The following KCNAB2 variants were observed in gnomAD, a reference collection of about 807,000 sequenced individuals.
The protein encoded by KCNAB2 is voltage-gated potassium channel subunit beta-2.
A neutral mutation model predicts 63.6 loss-of-function variants in KCNAB2; 29 were observed. The ratio of observed to expected loss-of-function variants is 0.46; its 90% CI spans 0.34 to 0.62. The LOEUF is 0.62. Ranked by LOEUF, KCNAB2 falls within the 20% of genes least tolerant of loss-of-function variation. The probability of loss-of-function intolerance (pLI) is 0.01; values close to 1 mark genes in which losing one functional copy is unlikely to be tolerated. For synonymous variants in KCNAB2, 222 were observed against 224.2 expected, an observed-to-expected ratio of 0.99 and a Z score of 0.09; for missense variants, 359 against 563.9, an observed-to-expected ratio of 0.64 and a Z score of 3.68.
intron 2 of KCNAB2, among the ~76,000 whole-genome samples, chr1:6,066,908 G>A (rs1006537427): frequency 1.3e-5 from 2 of 152,338 alleles, no homozygotes; most frequent in Admixed American, 6.5e-5. Context: ...CCCTCCACCC[G>A]GGCTCAGCCC....
chr1:6,010,421 C>G (rs1658083908), intron 1 of KCNAB2, among the ~76,000 whole-genome samples: 1 of 152,118 alleles, frequency 6.6e-6, no homozygotes, highest in African/African-American at 2.4e-5. Context: ...ATAGCAAGAC[C>G]TCCGGCCCTT....
intron 1 of KCNAB2, among the ~76,000 whole-genome samples, chr1:6,023,019 A>T (rs1228804516): frequency 6.7e-6 from 1 of 150,346 alleles, no homozygotes; most frequent in East Asian, 2.0e-4. Context: ...AGCAGCTGGG[A>T]TTACAGGTGC....
At position 6,095,686 on chromosome 1, in the gene KCNAB2, C is replaced by T. The variant is rs1439569944; in HGVS notation, c.948+62C>T. The T allele has an allele frequency of 1.5e-5, 23 of 1,493,528 alleles. No individual in the cohort carries two copies. In the South Asian group the frequency reaches 2.1e-4, roughly 14 times the overall value. The allele number at this position is 1,493,528 out of a possible 1,614,324, so 92.5% of individuals were successfully genotyped here. ...GATAGGCATTTTGGACGGGTGGGAC[C>T]TTTGGGCCGACTGCTTTGGTGCTGG... On this transcript the variant is annotated intron_variant, in intron 13 of 15. Transcript: ENST00000378083.
rs75053681 is a variant in KCNAB2 at position 5,998,368 on chromosome 1, G to C, written c.-53+5580G>C. 2.7e-4 allele frequency among the ~76,000 whole-genome samples: 41 copies of C among 152,348 alleles called. No individual in the cohort carries two copies. The East Asian group carries it at 7.7e-3, about 29-fold the overall frequency. On this transcript the variant is annotated intron_variant, in intron 1 of 16. Coordinates refer to the KCNAB2 transcript ENST00000341524. ...GGCAGAGCCAGAATCGGGGCCTCTG[G>C]ATGGGGAGGACTGGGCTCGGTTGAC...
chr1:6,059,633 A>G (rs1048028212), intron 2 of KCNAB2, among the ~76,000 whole-genome samples: 1 of 133,478 alleles, frequency 7.5e-6, no homozygotes, highest in Non-Finnish European at 1.6e-5. Flanking sequence ...TTACGTCTCA[A>G]AGGGTGCTTC....
Position 6,028,268 on chromosome 1 carries a change from A to G in KCNAB2, c.-52-12249A>G, listed in dbSNP as rs1397567274. ...TGTTGTGTAAGTGCCCTTCTGTGTC[A>G]TGCGGTTTTGAGCAGTTATACCTCT... On this transcript the variant is annotated intron_variant, in intron 1 of 16. Coordinates refer to the KCNAB2 transcript ENST00000341524. The surrounding 1 kb of genome is among the most constrained non-coding windows in gnomAD (Gnocchi z 4.0). 6.6e-6 allele frequency among the ~76,000 whole-genome samples: 1 copy of G among 152,162 alleles called. No individual in the cohort carries two copies. The highest frequency in any genetic ancestry group is 1.5e-5 in the Non-Finnish European group (1 of 68,034).
In KCNAB2 at chr1:6,072,737, G is replaced by C; in HGVS notation, c.219-18G>C. 1.9e-6 allele frequency: 3 copies of C among 1,613,748 alleles called. No homozygotes were observed. Among genetic ancestry groups the C allele is most frequent in the African/African-American group, 2.7e-5 (2 of 75,014 alleles). On this transcript the variant is annotated intron_variant, in intron 2 of 15. Coordinates refer to ENST00000378083, the MANE Select transcript of KCNAB2 (RefSeq NM_001199862.2). The stretch of plus-strand genomic sequence containing the variant: ...TCCTGCCTGGGTGCTGAGAACTCAC[G>C]TGGCGTTTGTTTTTCAGGAACCTGG...
At chr1:6,081,644 G>A (rs543811077) in intron 4 of KCNAB2, among the ~76,000 whole-genome samples, 4 of 149,628 alleles carry the variant, frequency 2.7e-5, no homozygotes, top group African/African-American at 1.0e-4. Context: ...TTCAGCTCCT[G>A]GGGGTTGCCA....
chr1:6,098,450 G>A, intron 15 of KCNAB2, 35 bp from the exon 16 acceptor site: 1 of 1,612,484 alleles, frequency 6.2e-7, no homozygotes, highest in African/African-American at 1.3e-5. Context: ...CGTCTTGTTG[G>A]TGGGATTCTG....
In KCNAB2 at chr1:6,097,327, C is replaced by T. The variant is rs563097754; in HGVS notation, c.1128C>T (p.Asp376=). Residue 376 remains aspartate, a synonymous_variant, in exon 15 of 16, where the codon GAC becomes GAT. Transcript: ENST00000378083. ...TGCTCCTGGGGGCCTCCAATGCGGACCAGCTCATGGAGAACATTGGGGCAA... is the reference window on the plus strand; with the variant it reads ...TGCTCCTGGGGGCCTCCAATGCGGATCAGCTCATGGAGAACATTGGGGCAA... The part of the protein sequence containing the change: ...SSVLLGASNA[D]QLMENIGAIQ... The T allele has an allele frequency of 1.3e-6, 2 of 1,552,964 alleles. No homozygotes were observed. The highest frequency in any genetic ancestry group is 2.7e-5 in the African/African-American group (2 of 73,560).
chr1:6,048,665 C>G (rs1042421474), intron 1 of KCNAB2, among the ~76,000 whole-genome samples: 1 of 152,250 alleles, frequency 6.6e-6, no homozygotes, highest in Non-Finnish European at 1.5e-5. Flanking sequence ...AGGGAACTTG[C>G]GTGTCTGAGG....
At chr1:6,066,518 C>T (rs1662771711) in intron 2 of KCNAB2, among the ~76,000 whole-genome samples, 1 of 152,096 alleles carries the variant, frequency 6.6e-6, no homozygotes, top group Non-Finnish European at 1.5e-5. Context: ...GTGAGGGCGC[C>T]GTCTTCCTTC....
intron 1 of KCNAB2, among the ~76,000 whole-genome samples, chr1:6,009,378 C>T (rs1658012821): frequency 6.6e-6 from 1 of 152,176 alleles, no homozygotes; most frequent in Admixed American, 6.5e-5. Context: ...GTGGAGGGGG[C>T]CCGGTGGTGT....
At chr1:6,050,908 G>A (rs1206576578) in intron 1 of KCNAB2, among the ~76,000 whole-genome samples, 1 of 152,278 alleles carries the variant, frequency 6.6e-6, no homozygotes, top group Non-Finnish European at 1.5e-5. Flanking sequence ...CAGGGAATGT[G>A]TTGTATAGAT....
rs1489161297 is a variant in KCNAB2, at chr1:6,035,618, C to T, written c.-53+824C>T. Among the ~76,000 whole-genome samples the T allele has an allele frequency of 6.6e-6, 1 of 151,984 alleles. No individual in the cohort carries two copies. Among genetic ancestry groups the T allele is most frequent in the Non-Finnish European group, 1.5e-5 (1 of 67,980 alleles). ...TGGGGAGCTCGTTACTCATCTGGGG[C>T]CACCCTGGGAAGAACTGGGCTGGGG... On this transcript the variant is annotated intron_variant, in intron 1 of 15. Transcript: ENST00000164247. This position sits in a 1 kb window ranked among gnomAD's most constrained non-coding sequence, Gnocchi z 5.0.
intron 1 of KCNAB2, among the ~76,000 whole-genome samples, chr1:6,012,696 G>A (rs114976520): frequency 0.023 from 3,493 of 150,810 alleles, 158 homozygotes; most frequent in African/African-American, 0.082. Flanking sequence ...AGTGGTGGAG[G>A]TGATGAAGGT....
intron 1 of KCNAB2, among the ~76,000 whole-genome samples, chr1:6,040,010 T>C (rs1382223916): frequency 2.0e-5 from 3 of 152,210 alleles, no homozygotes; most frequent in Non-Finnish European, 4.4e-5. Flanking sequence ...CGGACATCAG[T>C]GGCATCTGAG....
rs1285906405 is a variant in KCNAB2 at position 6,086,006 on chromosome 1, T to A, written c.425+758T>A. On this transcript the variant is annotated intron_variant, in intron 6 of 15. Transcript: ENST00000378083. The surrounding 1 kb of genome is among the most constrained non-coding windows in gnomAD (Gnocchi z 4.2). The stretch of plus-strand genomic sequence containing the variant: ...TCTCTCCCAGGAGCCTATGGGCCCT[T>A]CCCAGGCCAAGGTCCTCACCCACCT... 1.0e-6 allele frequency: 1 copy of A among 985,416 alleles called. No homozygotes were observed. 61.0% of individuals were successfully genotyped at this position (985,416 alleles called of 1,614,324 possible).
chr1:6,008,519 G>T (rs533062400), intron 1 of KCNAB2, among the ~76,000 whole-genome samples: 2 of 152,068 alleles, frequency 1.3e-5, no homozygotes, highest in South Asian at 4.2e-4. Flanking sequence ...TACTCGGGAG[G>T]CTGAAGCAAG....
Sources: allele counts gnomAD v4.1 joint callset (sites outside exome capture counted in the v4.1 genomes callset), GRCh38; gene constraint gnomAD v4.1.1; non-coding constraint Gnocchi (gnomAD v3.1); transcripts MANE v1.5; gene names NCBI Gene and HGNC (gene_info 2026-07-23, HGNC 2026-07-21).